MIPOL1: variants seen among roughly 807,000 people sequenced by gnomAD.
MIPOL1 encodes mirror-image polydactyly 1.
MIPOL1 carries 57 observed loss-of-function variants against 60.9 expected under a neutral mutation model. The observed-to-expected ratio is 0.94, with a 90% confidence interval of 0.76 to 1.17. The LOEUF is 1.17. Among genes scored for constraint, MIPOL1 ranks in the 50% most tolerant of loss-of-function variants. MIPOL1 has a pLI of 0.00. For missense variants in MIPOL1, 551 were observed against 511.6 expected (o/e 1.08, Z -0.74); for synonymous variants, 179 against 168.8 (o/e 1.06, Z -0.47).
chr14:37,227,498 G>A (rs1203520257), intron 1 of MIPOL1, among the ~76,000 whole-genome samples: 1 of 152,138 alleles, frequency 6.6e-6, no homozygotes. Flanking sequence ...GTTTGTGTGT[G>A]TGTATGTGTG....
At chr14:37,449,437 T>C (rs2094386212) in intron 11 of MIPOL1, among the ~76,000 whole-genome samples, 1 of 152,222 alleles carries the variant, frequency 6.6e-6, no homozygotes, top group African/African-American at 2.4e-5. Context: ...CTAAAAAGTA[T>C]TCAACAAACT....
At chr14:37,229,135 T>C (rs563907242) in intron 1 of MIPOL1, among the ~76,000 whole-genome samples, 1 of 152,318 alleles carries the variant, frequency 6.6e-6, no homozygotes, top group African/African-American at 2.4e-5. Context: ...GTTAAATTTA[T>C]AAATATTATT....
chr14:37,468,018 C>T (rs866707741), intron 11 of MIPOL1, among the ~76,000 whole-genome samples: 4 of 149,020 alleles, frequency 2.7e-5, no homozygotes, highest in Admixed American at 1.3e-4. Context: ...CATGCCACTG[C>T]GCTCCAGCCT....
chr14:37,406,740 A>G (rs1428213137), intron 10 of MIPOL1, among the ~76,000 whole-genome samples: 2 of 152,152 alleles, frequency 1.3e-5, no homozygotes, highest in African/African-American at 2.4e-5. Context: ...TGAAAATTCA[A>G]TAATTTAATA....
chr14:37,502,648 A>C (rs549889228), intron 12 of MIPOL1: 1 of 152,330 alleles, frequency 6.6e-6, no homozygotes, highest in South Asian at 2.1e-4. Context: ...GGTAGATAAA[A>C]CCATGAAGAT....
chr14:37,429,145 A>AT (rs1233138245), intron 11 of MIPOL1, among the ~76,000 whole-genome samples: 1 of 152,114 alleles, frequency 6.6e-6, no homozygotes, highest in African/African-American at 2.4e-5. Context: ...TTTAGTAATG[A>AT]TTTTTTTCCT....
intron 1 of MIPOL1, among the ~76,000 whole-genome samples, chr14:37,201,638 G>T (rs1039377784): frequency 6.6e-6 from 1 of 152,090 alleles, no homozygotes; most frequent in Admixed American, 6.6e-5. Context: ...GACTTGGGCC[G>T]TGAAGCTCAA....
chr14:37,528,291 A>G (rs919750184), intron 12 of MIPOL1, among the ~76,000 whole-genome samples: 1 of 152,014 alleles, frequency 6.6e-6, no homozygotes, highest in Non-Finnish European at 1.5e-5. Context: ...TCTTTTACAT[A>G]TGAAGAATAA....
chr14:37,307,111 T>G (rs1334875491), intron 7 of MIPOL1, among the ~76,000 whole-genome samples: 1 of 151,848 alleles, frequency 6.6e-6, no homozygotes, highest in Non-Finnish European at 1.5e-5. Flanking sequence ...TTAGGTGTCT[T>G]CTATTATCTT....
chr14:37,399,978 C>A (rs2093451920), intron 10 of MIPOL1: 1 of 152,116 alleles, frequency 6.6e-6, no homozygotes, highest in African/African-American at 2.4e-5. Context: ...GTACAGTGGG[C>A]TCTTGAAAGT....
intron 11 of MIPOL1, among the ~76,000 whole-genome samples, chr14:37,458,072 TAAAAAA>T (rs563916343): frequency 1.4e-5 from 2 of 142,560 alleles, no homozygotes; most frequent in African/African-American, 2.6e-5. Context: ...TCAAAAACAG[TAAAAAA>T]AAAAGATAAA....
At chr14:37,384,642 A>G (rs2153513837) in intron 10 of MIPOL1, among the ~76,000 whole-genome samples, 1 of 152,084 alleles carries the variant, frequency 6.6e-6, no homozygotes, top group African/African-American at 2.4e-5. Context: ...ATAACCTCCA[A>G]GATTAATTTG....
intron 9 of MIPOL1, among the ~76,000 whole-genome samples, chr14:37,357,931 C>G (rs541638914): frequency 3.9e-5 from 6 of 152,076 alleles, no homozygotes; most frequent in African/African-American, 1.2e-4. Flanking sequence ...TGATGGTTTG[C>G]TGCACCCATC....
At chr14:37,484,017 C>T (rs2094912552) in intron 11 of MIPOL1, among the ~76,000 whole-genome samples, 1 of 152,128 alleles carries the variant, frequency 6.6e-6, no homozygotes, top group Non-Finnish European at 1.5e-5. Flanking sequence ...TGGAATCAAC[C>T]TAAGTATCAG....
chr14:37,214,520 A>G (rs1425700953), intron 1 of MIPOL1, among the ~76,000 whole-genome samples: 1 of 152,244 alleles, frequency 6.6e-6, no homozygotes, highest in Non-Finnish European at 1.5e-5. Context: ...AAGAAAAAAC[A>G]TAAAATAAGA....
chr14:37,284,873 A>G (rs1273798596), intron 6 of MIPOL1, among the ~76,000 whole-genome samples: 1 of 152,200 alleles, frequency 6.6e-6, no homozygotes, highest in Non-Finnish European at 1.5e-5. Context: ...ATTATAAGCA[A>G]TGCTACAGTA....
At chr14:37,293,679 A>G (rs1270418568) in intron 7 of MIPOL1, among the ~76,000 whole-genome samples, 2 of 152,138 alleles carry the variant, frequency 1.3e-5, no homozygotes, top group African/African-American at 4.8e-5. Flanking sequence ...CCTAGATCGG[A>G]GGGTCCTATG....
chr14:37,293,904 G>A (rs1361587845), intron 7 of MIPOL1, among the ~76,000 whole-genome samples: 4 of 152,192 alleles, frequency 2.6e-5, no homozygotes, highest in Non-Finnish European at 5.9e-5. Flanking sequence ...ACAAACAAAA[G>A]GCAGCAATAA....
chr14:37,231,819 C>G (rs1323206950), intron 1 of MIPOL1, among the ~76,000 whole-genome samples: 3 of 152,080 alleles, frequency 2.0e-5, no homozygotes, highest in Non-Finnish European at 4.4e-5. Context: ...GTGGCTCGCA[C>G]CTGTTATCCT....
Sources: allele counts gnomAD v4.1 joint callset (sites outside exome capture counted in the v4.1 genomes callset), GRCh38; gene constraint gnomAD v4.1.1; transcripts MANE v1.5; gene names NCBI Gene and HGNC (gene_info 2026-07-23, HGNC 2026-07-21).